CCSER1: variants seen among roughly 807,000 people sequenced by gnomAD.
The protein encoded by CCSER1 is coiled-coil serine rich protein 1.
In CCSER1, 41 loss-of-function variants were observed where a neutral mutation model predicts 82.0. The observed-to-expected ratio is 0.50, with a 90% CI of 0.39 to 0.65. The LOEUF (loss-of-function observed/expected upper bound fraction) is 0.65, where lower values mean the gene tolerates loss of function less well. Among genes scored for constraint, CCSER1 ranks in the 30% least tolerant of loss-of-function variants. The probability of loss-of-function intolerance (pLI) is 0.00; values close to 1 mark genes in which losing one functional copy is unlikely to be tolerated. For synonymous variants in CCSER1, 414 were observed against 383.9 expected, an observed-to-expected ratio of 1.08 and a Z score of -0.92; for missense variants, 1,119 against 1,064.2, an observed-to-expected ratio of 1.05 and a Z score of -0.72.
At chr4:91,443,601 A>C (rs1393737527) in intron 10 of CCSER1, among the ~76,000 whole-genome samples, 4 of 151,374 alleles carry the variant, frequency 2.6e-5, no homozygotes, top group Non-Finnish European at 5.9e-5. Context: ...ACATGTATAC[A>C]TATGTAACTA....
intron 5 of CCSER1, among the ~76,000 whole-genome samples, chr4:90,507,671 A>T (rs1176783489): frequency 6.6e-6 from 1 of 152,084 alleles, no homozygotes; most frequent in Non-Finnish European, 1.5e-5. Context: ...GTATGATTTT[A>T]TGTATATCCA....
At chr4:91,182,567 C>G (rs1319234690) in intron 10 of CCSER1, among the ~76,000 whole-genome samples, 1 of 152,174 alleles carries the variant, frequency 6.6e-6, no homozygotes, top group Non-Finnish European at 1.5e-5. Flanking sequence ...GTGGCTTGTC[C>G]TTGAGAATTG....
chr4:90,158,704 C>G (rs1210415465), intron 1 of CCSER1, among the ~76,000 whole-genome samples: 1 of 152,180 alleles, frequency 6.6e-6, no homozygotes, highest in African/African-American at 2.4e-5. Context: ...TAATCTACTG[C>G]TGCGCCGTTT....
intron 5 of CCSER1, among the ~76,000 whole-genome samples, chr4:90,581,981 G>A (rs1287617030): frequency 6.6e-6 from 1 of 151,760 alleles, no homozygotes; most frequent in Non-Finnish European, 1.5e-5. Flanking sequence ...AGGACCAATT[G>A]ATGAATTTCA....
chr4:91,523,501 T>A (rs1177965029), intron 10 of CCSER1, among the ~76,000 whole-genome samples: 1 of 152,176 alleles, frequency 6.6e-6, no homozygotes, highest in Non-Finnish European at 1.5e-5. Flanking sequence ...ATCCATCTGG[T>A]TCTGGACTTC....
At chr4:91,422,551 A>G (rs1429532270) in intron 10 of CCSER1, among the ~76,000 whole-genome samples, 2 of 152,186 alleles carry the variant, frequency 1.3e-5, no homozygotes, top group Non-Finnish European at 2.9e-5. Context: ...TTAGGAGGAC[A>G]TTGGTGCTTA....
chr4:91,166,125 A>G (rs1732037739), intron 10 of CCSER1, among the ~76,000 whole-genome samples: 2 of 152,254 alleles, frequency 1.3e-5, no homozygotes, highest in Non-Finnish European at 2.9e-5. Flanking sequence ...TATGAGTTAC[A>G]TCAGATACAG....
chr4:90,208,939 G>A (rs565491214), intron 1 of CCSER1, among the ~76,000 whole-genome samples: 11 of 152,210 alleles, frequency 7.2e-5, no homozygotes, highest in Admixed American at 6.5e-4. Flanking sequence ...GACCGGAGCC[G>A]TTCGTATTTG....
chr4:90,347,845 C>G (rs1194531968), intron 3 of CCSER1, among the ~76,000 whole-genome samples: 1 of 151,954 alleles, frequency 6.6e-6, no homozygotes, highest in African/African-American at 2.4e-5. Context: ...CTTTAAGCAC[C>G]AAAGGAATGT....
At chr4:90,884,865 G>A (rs1476931569) in intron 8 of CCSER1, among the ~76,000 whole-genome samples, 1 of 151,988 alleles carries the variant, frequency 6.6e-6, no homozygotes, top group Non-Finnish European at 1.5e-5. Context: ...TTGAAGCAAT[G>A]GGCAGATAAA....
intron 6 of CCSER1, among the ~76,000 whole-genome samples, chr4:90,721,861 G>A (rs529501611): frequency 8.6e-5 from 13 of 150,892 alleles, no homozygotes; most frequent in Admixed American, 6.6e-4. Flanking sequence ...GTTGTCATAC[G>A]AGATTGATTT....
chr4:90,590,535 G>A (rs932808789), intron 5 of CCSER1, among the ~76,000 whole-genome samples: 5 of 151,766 alleles, frequency 3.3e-5, no homozygotes, highest in African/African-American at 4.8e-5. Flanking sequence ...AGCCGAGATC[G>A]CGCTATTGCA....
intron 4 of CCSER1, among the ~76,000 whole-genome samples, chr4:90,428,797 A>G (rs1178697693): frequency 6.6e-6 from 1 of 151,916 alleles, no homozygotes; most frequent in African/African-American, 2.4e-5. Flanking sequence ...TTAAGTAAAC[A>G]TTATGAACAT....
chr4:90,309,173 T>C lies in CCSER1; in HGVS notation c.889T>C (p.Ser297Pro), dbSNP rs1464288507. The change falls in exon 2 of 11, where the codon TCC (serine) becomes CCC (proline). Residue 297 changes from serine (S) to proline (P), a missense_variant. Physicochemically the swap from Ser to Pro is moderately conservative, Grantham distance 74. Transcript: ENST00000509176. ...CCACAATGATTCTACCTCTCAGATGTCCCTCAATTCTGCTGCTGTTACAAA... is the reference window on the plus strand; with the variant it reads ...CCACAATGATTCTACCTCTCAGATGCCCCTCAATTCTGCTGCTGTTACAAA... ...FGHNDSTSQM[S>P]LNSAAVTKTT... is the part of the protein sequence containing the mutation. The C allele has an allele frequency of 1.2e-6, 2 of 1,613,798 alleles. No homozygotes were observed. The highest frequency in any genetic ancestry group is 3.3e-5 in the Admixed American group (2 of 59,984).
chr4:91,409,365 C>T (rs1752891503), intron 10 of CCSER1, among the ~76,000 whole-genome samples: 1 of 152,102 alleles, frequency 6.6e-6, no homozygotes. Context: ...TATCACCATT[C>T]ATTGTAGGTT....
intron 5 of CCSER1, among the ~76,000 whole-genome samples, chr4:90,610,282 A>C (rs1043374639): frequency 9.3e-5 from 14 of 151,072 alleles, no homozygotes; most frequent in Admixed American, 9.3e-4. Flanking sequence ...TAAATAAATA[A>C]ATAAATAAAT....
intron 7 of CCSER1, among the ~76,000 whole-genome samples, chr4:90,741,370 T>C (rs1375353373): frequency 6.6e-6 from 1 of 152,116 alleles, no homozygotes; most frequent in Non-Finnish European, 1.5e-5. Flanking sequence ...ATGTATTCAG[T>C]TGGATGGTGT....
At chr4:91,556,328 G>A (rs1275217992) in intron 10 of CCSER1, among the ~76,000 whole-genome samples, 2 of 150,062 alleles carry the variant, frequency 1.3e-5, no homozygotes, top group African/African-American at 4.9e-5. Flanking sequence ...AAAACTGATG[G>A]CTCTAACCTT....
intron 10 of CCSER1, among the ~76,000 whole-genome samples, chr4:91,422,308 T>TA (rs1433624049): frequency 6.6e-6 from 1 of 152,110 alleles, no homozygotes; most frequent in African/African-American, 2.4e-5. Context: ...TCTCTTTACA[T>TA]ACTCACATTC....
Sources: allele counts gnomAD v4.1 joint callset (sites outside exome capture counted in the v4.1 genomes callset), GRCh38; gene constraint gnomAD v4.1.1; transcripts MANE v1.5; gene names NCBI Gene and HGNC (gene_info 2026-07-23, HGNC 2026-07-21).